ANK2: variants seen among roughly 807,000 people sequenced by gnomAD.
ANK2 encodes the protein ankyrin-2.
In ANK2, 83 loss-of-function variants were observed where a neutral mutation model predicts 360.5. That is an observed-to-expected ratio of 0.23 (90% CI 0.19 to 0.28). ANK2 has a LOEUF of 0.28. Among genes scored for constraint, ANK2 ranks in the 10% least tolerant of loss-of-function variants. The pLI, the probability that ANK2 is intolerant of heterozygous loss-of-function variation, is 1.00. For synonymous variants in ANK2, 1,740 were observed against 1,759.5 expected, an observed-to-expected ratio of 0.99 and a Z score of 0.28; for missense variants, 4,201 against 4,795.7, an observed-to-expected ratio of 0.88 and a Z score of 3.66.
In ANK2 at chr4:113,315,118, A is replaced by G. The variant is rs75160997; in HGVS notation, c.2694-2589A>G. Among the ~76,000 whole-genome samples, 445 of 152,328 alleles carry G rather than the reference A, an allele frequency of 2.9e-3. 2 individuals are homozygous for G. The highest frequency in any genetic ancestry group is 9.8e-3 in the African/African-American group (408 of 41,568). On this transcript the variant is annotated intron_variant, in intron 24 of 45. Coordinates refer to ENST00000357077, the MANE Select transcript of ANK2 (RefSeq NM_001148.6). ...TTCCTGTTGGGGTTTTAGGAAAGACAAAAAACACCAACACCTCTCTATTCC... is the reference window on the plus strand; with the variant it reads ...TTCCTGTTGGGGTTTTAGGAAAGACGAAAAACACCAACACCTCTCTATTCC...
At chr4:113,326,873 T>C (rs1483010513) in intron 26 of ANK2, among the ~76,000 whole-genome samples, 2 of 151,986 alleles carry the variant, frequency 1.3e-5, no homozygotes, top group Non-Finnish European at 2.9e-5. Flanking sequence ...GGTGCAATGA[T>C]GCTGCCTGTA....
At chr4:113,202,362 G>A (rs2153420251) in intron 4 of ANK2, among the ~76,000 whole-genome samples, 1 of 152,190 alleles carries the variant, frequency 6.6e-6, no homozygotes, top group South Asian at 2.1e-4. Flanking sequence ...TGGATGGATG[G>A]GAGACTTGCT....
the ANK2 span, among the ~76,000 whole-genome samples, chr4:112,778,265 T>C: frequency 6.6e-6 from 1 of 152,046 alleles, no homozygotes; most frequent in African/African-American, 2.4e-5. Flanking sequence ...CCACCACACC[T>C]GGCCAATCCC....
chr4:112,738,895 A>C, the ANK2 span: 1 of 684,404 alleles, frequency 1.5e-6, no homozygotes, highest in Admixed American at 1.9e-5. Context: ...ACAAAAAAAC[A>C]AAAAACAAAG....
intron 17 of ANK2, among the ~76,000 whole-genome samples, chr4:113,280,802 C>T (rs927718355): frequency 6.6e-6 from 1 of 152,154 alleles, no homozygotes; most frequent in African/African-American, 2.4e-5. Context: ...CTTTGATGAT[C>T]GCTTATGTTG....
At chr4:112,733,195 G>A in the ANK2 span, among the ~76,000 whole-genome samples, 4 of 151,912 alleles carry the variant, frequency 2.6e-5, no homozygotes, top group South Asian at 2.1e-4. Context: ...CAGCATGGGC[G>A]ACAAAACAAG....
chr4:113,055,536 G>A (rs2069253975), intron 1 of ANK2, among the ~76,000 whole-genome samples: 2 of 152,128 alleles, frequency 1.3e-5, no homozygotes, highest in Non-Finnish European at 2.9e-5. Context: ...TTATTACTTG[G>A]CTCTTACAGT....
intron 1 of ANK2, among the ~76,000 whole-genome samples, chr4:113,090,833 C>T (rs187663805): frequency 1.2e-3 from 177 of 152,324 alleles, no homozygotes; most frequent in African/African-American, 4.0e-3. Context: ...GAGGCACATG[C>T]AACCTGGTTA....
chr4:113,322,061 A>T (rs925735221), intron 26 of ANK2, among the ~76,000 whole-genome samples: 1 of 152,168 alleles, frequency 6.6e-6, no homozygotes, highest in Non-Finnish European at 1.5e-5. Context: ...AGAGGTGATA[A>T]TAAAGTTAGT....
intron 1 of ANK2, among the ~76,000 whole-genome samples, chr4:113,074,025 C>T (rs2078886292): frequency 6.6e-6 from 1 of 152,114 alleles, no homozygotes; most frequent in African/African-American, 2.4e-5. Flanking sequence ...TCCAAATCTA[C>T]AGAGTGAACG....
At chr4:113,325,536 C>T (rs1025606019) in intron 26 of ANK2, among the ~76,000 whole-genome samples, 1 of 152,126 alleles carries the variant, frequency 6.6e-6, no homozygotes, top group Non-Finnish European at 1.5e-5. Context: ...GAGCATGGTA[C>T]TTGCTGCATT....
intron 2 of ANK2, among the ~76,000 whole-genome samples, chr4:112,992,045 T>C (rs1350960777): frequency 2.0e-5 from 3 of 152,172 alleles, no homozygotes; most frequent in African/African-American, 7.2e-5. Context: ...CTTTTATTTC[T>C]GGGCTTTTGC....
At chr4:112,810,310 A>AT in the ANK2 span, among the ~76,000 whole-genome samples, 2 of 151,170 alleles carry the variant, frequency 1.3e-5, no homozygotes, top group African/African-American at 2.4e-5. Flanking sequence ...CCAAATAAAG[A>AT]TTTTTTTCTT....
chr4:112,896,078 A>G (rs1474094582), intron 1 of ANK2, among the ~76,000 whole-genome samples: 1 of 152,214 alleles, frequency 6.6e-6, no homozygotes, highest in African/African-American at 2.4e-5. Flanking sequence ...CATTACACCC[A>G]AAGTCTCTGA....
chr4:113,290,493 A>T (rs1489044807), intron 20 of ANK2, among the ~76,000 whole-genome samples: 1 of 152,208 alleles, frequency 6.6e-6, no homozygotes, highest in African/African-American at 2.4e-5. Context: ...TTAAAATTAG[A>T]ATGAAACCCT....
Position 113,174,334 on chromosome 4 carries a change from G to A in ANK2, c.85-82G>A, listed in dbSNP as rs2098111962. ...TCCAACTAAAGCTTTTCTGACTTCA[G>A]TGTAAACATTCTTGTCTTTCTGTAT... On this transcript the variant is annotated intron_variant, in intron 1 of 45. Coordinates refer to ENST00000357077, the MANE Select transcript of ANK2 (RefSeq NM_001148.6). The A allele has an allele frequency of 5.1e-6, 6 of 1,181,210 alleles. No individual in the cohort carries two copies. The South Asian group carries it at 7.9e-5, about 15-fold the overall frequency. 73.2% of individuals were successfully genotyped at this position (1,181,210 alleles called of 1,614,324 possible).
rs1480692189 is a variant in ANK2 at position 113,355,539 on chromosome 4, T to A, written c.6921T>A (p.Phe2307Leu). The A allele has an allele frequency of 6.2e-7, 1 of 1,614,100 alleles. No individual in the cohort carries two copies. The highest frequency in any genetic ancestry group is 2.2e-5 in the East Asian group (1 of 44,858). Residue 2307 changes from phenylalanine (F) to leucine (L), a missense_variant, in exon 38 of 46, where the codon TTT becomes TTA. Coordinates refer to ENST00000357077, the MANE Select transcript of ANK2 (RefSeq NM_001148.6). Reference sequence around the variant, plus strand: ...ACTCAGAGACCTCTACTGAGAGTTTTCAGAAAGAGGCCACTCTAGGCTCTC... The same window carrying A: ...ACTCAGAGACCTCTACTGAGAGTTTACAGAAAGAGGCCACTCTAGGCTCTC... ...TEDSETSTES[F>L]QKEATLGSPK...
At chr4:112,776,597 T>C in the ANK2 span, among the ~76,000 whole-genome samples, 3 of 152,328 alleles carry the variant, frequency 2.0e-5, no homozygotes, top group South Asian at 6.2e-4. Context: ...GTTTTTTAAG[T>C]GTCTTTAGCT....
At chr4:113,344,678 C>T (rs2094636698) in intron 34 of ANK2, among the ~76,000 whole-genome samples, 1 of 151,962 alleles carries the variant, frequency 6.6e-6, no homozygotes, top group South Asian at 2.1e-4. Flanking sequence ...TATACACATG[C>T]AATGGAATAC....
Sources: allele counts gnomAD v4.1 joint callset (sites outside exome capture counted in the v4.1 genomes callset), GRCh38; gene constraint gnomAD v4.1.1; transcripts MANE v1.5; gene names NCBI Gene and HGNC (gene_info 2026-07-23, HGNC 2026-07-21).